Variants in PASD1 observed in about 807,000 individuals in gnomAD.
PASD1 encodes circadian clock protein PASD1.
A neutral mutation model predicts 58.8 loss-of-function variants in PASD1; 13 were observed. The observed-to-expected ratio is 0.22, with a 90% CI of 0.14 to 0.35. The LOEUF (loss-of-function observed/expected upper bound fraction) is 0.35, where lower values mean the gene tolerates loss of function less well. Among genes scored for constraint, PASD1 ranks in the 10% least tolerant of loss-of-function variants. The probability of loss-of-function intolerance (pLI) is 1.00; values close to 1 mark genes in which losing one functional copy is unlikely to be tolerated. For synonymous variants in PASD1, 236 were observed against 216.7 expected (o/e 1.09, Z -0.78); for missense variants, 734 against 568.3 (o/e 1.29, Z -2.96).
intron 1 of PASD1, among the ~76,000 whole-genome samples, chrX:151,595,498 C>T (rs2013309236): frequency 9.1e-6 from 1 of 109,805 alleles, no homozygotes; most frequent in Non-Finnish European, 1.9e-5. Context: ...GCGGGCGGAT[C>T]ACGAGGTCAG....
chrX:151,652,397 G>T (rs775806489), intron 9 of PASD1, among the ~76,000 whole-genome samples: 3 of 110,311 alleles, frequency 2.7e-5, no homozygotes, highest in African/African-American at 9.9e-5. Context: ...GCCAGGCGTG[G>T]TGGCACACGC....
intron 1 of PASD1, among the ~76,000 whole-genome samples, chrX:151,586,279 T>A (rs998192394): frequency 8.9e-6 from 1 of 112,340 alleles, no homozygotes; most frequent in African/African-American, 3.2e-5. Flanking sequence ...CAAAATAGTT[T>A]AGAGAGCTTT....
At chrX:151,630,075 C>T (rs2124279310) in intron 8 of PASD1, among the ~76,000 whole-genome samples, 1 of 112,005 alleles carries the variant, frequency 8.9e-6, no homozygotes, top group South Asian at 3.7e-4. Context: ...CACACTCTTT[C>T]CCCTAAAGTT....
At chrX:151,675,724 G>A (rs779774407) in intron 15 of PASD1, among the ~76,000 whole-genome samples, 4 of 111,955 alleles carry the variant, frequency 3.6e-5, no homozygotes, top group African/African-American at 1.3e-4. Context: ...GACAAGAGAG[G>A]GCCAGACACA....
intron 9 of PASD1, among the ~76,000 whole-genome samples, chrX:151,653,279 G>A (rs989142648): frequency 2.8e-5 from 3 of 107,353 alleles, no homozygotes; most frequent in Admixed American, 1.0e-4. Flanking sequence ...TGCAACCTCC[G>A]CCTCCCAGGT....
chrX:151,623,300 T>G (rs2124272533), intron 7 of PASD1, among the ~76,000 whole-genome samples: 1 of 112,061 alleles, frequency 8.9e-6, no homozygotes, highest in South Asian at 3.7e-4. Context: ...ACAAGTAGTC[T>G]TGACATAATA....
chrX:151,597,527 T>C (rs2013335819), intron 1 of PASD1, among the ~76,000 whole-genome samples: 1 of 111,725 alleles, frequency 9.0e-6, no homozygotes, highest in African/African-American at 3.3e-5. Context: ...CATTCCAAAA[T>C]GTGTCCTCTC....
chrX:151,601,391 G>T, intron 1 of PASD1, 136 bp from the exon 2 acceptor site: 1 of 437,380 alleles, frequency 2.3e-6, no homozygotes, highest in Non-Finnish European at 3.9e-6. Context: ...CTTAATGAAA[G>T]CCTATCTTTA....
chrX:151,568,844 A>G (rs1431851431), intron 1 of PASD1, among the ~76,000 whole-genome samples: 1 of 111,276 alleles, frequency 9.0e-6, no homozygotes, highest in African/African-American at 3.3e-5. Flanking sequence ...TGCACCTTAG[A>G]CTTTTCGGTG....
chrX:151,579,842 A>G (rs1368310880), intron 1 of PASD1, among the ~76,000 whole-genome samples: 2 of 111,654 alleles, frequency 1.8e-5, no homozygotes, highest in South Asian at 3.8e-4. Flanking sequence ...TGGAAATTCT[A>G]TTGAAATATA....
intron 9 of PASD1, among the ~76,000 whole-genome samples, chrX:151,654,043 C>T (rs999174476): frequency 1.5e-4 from 15 of 102,151 alleles, no homozygotes; most frequent in Non-Finnish European, 2.0e-4. Context: ...ATGGTCAGCT[C>T]ACTGCAACTT....
chrX:151,581,827 C>T (rs1443327392), intron 1 of PASD1, among the ~76,000 whole-genome samples: 1 of 109,953 alleles, frequency 9.1e-6, no homozygotes, highest in African/African-American at 3.3e-5. Context: ...ACAGCCAGCT[C>T]TGTCAACTCA....
At chrX:151,673,834 A>G (rs2014508606) in intron 14 of PASD1, 94 bp from the exon 15 acceptor site, 1 of 1,082,923 alleles carries the variant, frequency 9.2e-7, no homozygotes, top group South Asian at 2.1e-5. Flanking sequence ...ACCAAAACCA[A>G]ATGTGCCTGA....
chrX:151,593,883 T>A (rs1429998152), intron 1 of PASD1, among the ~76,000 whole-genome samples: 4 of 111,879 alleles, frequency 3.6e-5, no homozygotes, highest in African/African-American at 1.3e-4. Context: ...TTGAGTTTCT[T>A]ATAGACGATA....
chrX:151,622,513 T>A (rs1049922825), intron 6 of PASD1, among the ~76,000 whole-genome samples: 1 of 109,927 alleles, frequency 9.1e-6, no homozygotes, highest in Non-Finnish European at 1.9e-5. Flanking sequence ...GTGGCTGATA[T>A]ATTTGTCATG....
At chrX:151,621,361 A>G (rs1398956403) in intron 5 of PASD1, 121 bp from the exon 6 acceptor site, 7 of 568,196 alleles carry the variant, frequency 1.2e-5, no homozygotes, top group Non-Finnish European at 1.9e-5. Context: ...ATGTTCGTGG[A>G]AAGAAAATAA....
intron 10 of PASD1, among the ~76,000 whole-genome samples, chrX:151,662,778 AT>A (rs1276252494): frequency 1.8e-5 from 2 of 111,694 alleles, no homozygotes; most frequent in Non-Finnish European, 3.8e-5. Flanking sequence ...ATATTTATTG[AT>A]TTTTCCAATA....
intron 1 of PASD1, among the ~76,000 whole-genome samples, chrX:151,593,461 T>A (rs890588033): frequency 3.9e-4 from 41 of 104,628 alleles, no homozygotes; most frequent in Non-Finnish European, 7.3e-4. Context: ...GTTCTCATTG[T>A]TTGATTCCCA....
At chrX:151,604,515 C>T in intron 2 of PASD1, 131 bp from the exon 3 acceptor site, 1 of 453,294 alleles carries the variant, frequency 2.2e-6, no homozygotes, top group South Asian at 4.0e-5. Context: ...ACATCAGATC[C>T]TTCATTAGCA....
Sources: allele counts gnomAD v4.1 joint callset (sites outside exome capture counted in the v4.1 genomes callset), GRCh38; gene constraint gnomAD v4.1.1; transcripts MANE v1.5; gene names NCBI Gene and HGNC (gene_info 2026-07-23, HGNC 2026-07-21).